Variants in LOC400499 observed in about 807,000 individuals in gnomAD.
the LOC400499 span, chr16:11,441,036 C>T: frequency 1.5e-4 from 59 of 399,046 alleles, no homozygotes; most frequent in South Asian, 2.0e-3. Flanking sequence ...GACAACTTTC[C>T]GGTGGACTTT....
At chr16:11,512,207 G>A in the LOC400499 span, among the ~76,000 whole-genome samples, 81 of 152,106 alleles carry the variant, frequency 5.3e-4, no homozygotes, top group Non-Finnish European at 9.1e-4. Flanking sequence ...GCTTGAGCCC[G>A]GAAGGAGGAG....
the LOC400499 span, among the ~76,000 whole-genome samples, chr16:11,409,950 A>G: frequency 6.6e-6 from 1 of 152,220 alleles, no homozygotes; most frequent in Non-Finnish European, 1.5e-5. Context: ...ATAGGTTGAA[A>G]TAACTCAAAA....
chr16:11,411,628 G>A, the LOC400499 span, among the ~76,000 whole-genome samples: 1 of 152,136 alleles, frequency 6.6e-6, no homozygotes, highest in Non-Finnish European at 1.5e-5. Context: ...CTTCCCCTGA[G>A]CCTCAGTTTC....
the LOC400499 span, chr16:11,462,448 G>T: frequency 1.6e-6 from 2 of 1,284,456 alleles, no homozygotes; most frequent in Non-Finnish European, 2.0e-6. Flanking sequence ...CTTTTTCCTT[G>T]AGACAGAGTC....
chr16:11,502,683 C>A, the LOC400499 span, among the ~76,000 whole-genome samples: 1,096 of 150,946 alleles, frequency 7.3e-3, 14 homozygotes, highest in African/African-American at 0.026. Context: ...GGCGCAATCT[C>A]GGCTCACGGC....
chr16:11,495,828 G>A, the LOC400499 span, among the ~76,000 whole-genome samples: 2 of 152,206 alleles, frequency 1.3e-5, no homozygotes, highest in African/African-American at 2.4e-5. Flanking sequence ...GGTAAGGGAC[G>A]TGCCTCAGGT....
At chr16:11,408,619 C>T in the LOC400499 span, among the ~76,000 whole-genome samples, 3 of 152,032 alleles carry the variant, frequency 2.0e-5, no homozygotes, top group Admixed American at 2.0e-4. Flanking sequence ...GTACACACCA[C>T]CATGCCTGGC....
At chr16:11,460,417 A>G in the LOC400499 span, 4 of 1,465,486 alleles carry the variant, frequency 2.7e-6, no homozygotes, top group Non-Finnish European at 2.7e-6. Flanking sequence ...GGGTACTCAG[A>G]TCACCACTTG....
At chr16:11,522,730 T>G in the LOC400499 span, among the ~76,000 whole-genome samples, 1 of 152,228 alleles carries the variant, frequency 6.6e-6, no homozygotes, top group Non-Finnish European at 1.5e-5. Context: ...GTCTGACTAC[T>G]CACCTATCAT....
the LOC400499 span, chr16:11,488,666 T>G: frequency 5.0e-6 from 2 of 398,388 alleles, no homozygotes; most frequent in Admixed American, 4.4e-5. Flanking sequence ...CCCCAGCCTT[T>G]GTGGTTCCAG....
the LOC400499 span, among the ~76,000 whole-genome samples, chr16:11,451,750 C>G: frequency 3.3e-5 from 5 of 152,162 alleles, no homozygotes; most frequent in African/African-American, 1.2e-4. Flanking sequence ...GGGCAGGCAA[C>G]CCACCCCTGC....
the LOC400499 span, among the ~76,000 whole-genome samples, chr16:11,483,848 T>C: frequency 1.3e-5 from 2 of 151,898 alleles, no homozygotes; most frequent in African/African-American, 2.4e-5. Context: ...GCACTCCAGC[T>C]TGGGTGACAG....
the LOC400499 span, chr16:11,417,509 G>C: frequency 7.5e-6 from 3 of 397,786 alleles, 1 homozygote; most frequent in Middle Eastern, 1.2e-3. Flanking sequence ...GGTTGTCCTG[G>C]AGCCCAGAGC....
the LOC400499 span, among the ~76,000 whole-genome samples, chr16:11,481,285 G>A: frequency 6.6e-6 from 1 of 152,318 alleles, no homozygotes; most frequent in African/African-American, 2.4e-5. Context: ...AGAAGTGGTG[G>A]TGGCACAACA....
At chr16:11,448,129 C>A in the LOC400499 span, 1 of 1,502,678 alleles carries the variant, frequency 6.7e-7, no homozygotes, top group Non-Finnish European at 8.8e-7. Context: ...AAGCTGCAGA[C>A]CTGCCTTGCA....
chr16:11,397,768 A>AT, the LOC400499 span, among the ~76,000 whole-genome samples: 2 of 8,732 alleles, frequency 2.3e-4, no homozygotes, highest in African/African-American at 5.3e-4. Flanking sequence ...GGAGGGAGGG[A>AT]GGGATGGAGG....
At chr16:11,509,513 C>T in the LOC400499 span, among the ~76,000 whole-genome samples, 1 of 151,734 alleles carries the variant, frequency 6.6e-6, no homozygotes, top group Admixed American at 6.6e-5. Context: ...AGATGCAGAA[C>T]AATGTATGGT....
the LOC400499 span, chr16:11,404,881 C>T: frequency 4.0e-5 from 16 of 398,858 alleles, no homozygotes; most frequent in East Asian, 1.8e-4. Flanking sequence ...AAGAGAATGA[C>T]GGCGTCATGG....
the LOC400499 span, among the ~76,000 whole-genome samples, chr16:11,374,351 A>G: frequency 6.6e-6 from 1 of 152,342 alleles, no homozygotes; most frequent in East Asian, 1.9e-4. Context: ...ATGTAGTTAA[A>G]CACAAGTAAC....
Sources: allele counts gnomAD v4.1 joint callset (sites outside exome capture counted in the v4.1 genomes callset), GRCh38; gene constraint gnomAD v4.1.1; transcripts MANE v1.5.